AP2B1: variants seen among roughly 807,000 people sequenced by gnomAD.
AP2B1 encodes AP-2 complex subunit beta.
AP2B1 carries 23 observed loss-of-function variants against 102.0 expected under a neutral mutation model. The observed-to-expected ratio is 0.23, with a 90% confidence interval of 0.16 to 0.32. The LOEUF (loss-of-function observed/expected upper bound fraction) is 0.32. Ranked by LOEUF, AP2B1 falls within the 10% of genes least tolerant of loss-of-function variation. The probability of loss-of-function intolerance (pLI) is 1.00; values close to 1 mark genes in which losing one functional copy is unlikely to be tolerated. For synonymous variants in AP2B1, 381 were observed against 421.2 expected, an observed-to-expected ratio of 0.90 and a Z score of 1.17; for missense variants, 541 against 1,157.4, an observed-to-expected ratio of 0.47 and a Z score of 7.73.
chr17:35,645,814 A>C (rs570470763), intron 12 of AP2B1, among the ~76,000 whole-genome samples: 1 of 152,254 alleles, frequency 6.6e-6, no homozygotes, highest in South Asian at 2.1e-4. Context: ...GTGCCATTAC[A>C]CTCCAGCCTG....
chr17:35,599,903 C>CT (rs2073420786), intron 3 of AP2B1, among the ~76,000 whole-genome samples: 2 of 152,040 alleles, frequency 1.3e-5, no homozygotes, highest in African/African-American at 4.8e-5. Context: ...GAGTAAGACT[C>CT]TGTCTCAAAA....
chr17:35,656,972 A>G (rs10491116), intron 13 of AP2B1, among the ~76,000 whole-genome samples: 5,122 of 152,126 alleles, frequency 0.034, 186 homozygotes, highest in East Asian at 0.19. Flanking sequence ...ACCAATCCCA[A>G]ACTCTGCTCC....
intron 14 of AP2B1, 143 bp from the exon 15 acceptor site, chr17:35,670,714 A>G (rs1402421950): frequency 3.8e-6 from 3 of 796,388 alleles, no homozygotes; most frequent in Non-Finnish European, 6.3e-6. Context: ...GTAATCTAGA[A>G]TTTTTTTAGG....
chr17:35,618,800 T>C (rs1452077338), intron 5 of AP2B1, among the ~76,000 whole-genome samples: 1 of 152,206 alleles, frequency 6.6e-6, no homozygotes, highest in East Asian at 1.9e-4. Context: ...TCAAATTTAT[T>C]ATCCTCAACT....
intron 21 of AP2B1, among the ~76,000 whole-genome samples, chr17:35,721,795 G>T (rs1288024236): frequency 6.6e-6 from 1 of 152,134 alleles, no homozygotes; most frequent in Non-Finnish European, 1.5e-5. Context: ...GAGTATTTGG[G>T]GACTACCTCT....
intron 12 of AP2B1, among the ~76,000 whole-genome samples, chr17:35,647,505 G>GTATACA (rs956947052): frequency 2.0e-5 from 3 of 151,734 alleles, no homozygotes; most frequent in Non-Finnish European, 2.9e-5. Context: ...ACATTCATAT[G>GTATACA]TATACATATA....
intron 11 of AP2B1, 55 bp from the exon 12 acceptor site, chr17:35,641,822 C>A: frequency 7.6e-7 from 1 of 1,322,604 alleles, no homozygotes; most frequent in Non-Finnish European, 1.1e-6. Flanking sequence ...GAGATGATGG[C>A]AGGGAATAAT....
chr17:35,702,681 G>T (rs990192102), intron 18 of AP2B1, among the ~76,000 whole-genome samples: 1 of 152,138 alleles, frequency 6.6e-6, no homozygotes, highest in African/African-American at 2.4e-5. Flanking sequence ...AGGGGGATGT[G>T]GCTGGAAGAC....
chr17:35,687,995 TC>T (rs1319625823), intron 18 of AP2B1, among the ~76,000 whole-genome samples: 1 of 152,212 alleles, frequency 6.6e-6, no homozygotes, highest in East Asian at 1.9e-4. Flanking sequence ...AATCCCAAAT[TC>T]CATTGAGATC....
At chr17:35,694,851 C>T (rs894132300) in intron 18 of AP2B1, among the ~76,000 whole-genome samples, 1 of 152,146 alleles carries the variant, frequency 6.6e-6, no homozygotes, top group African/African-American at 2.4e-5. Context: ...CTGTTGCACT[C>T]CAGCCTGGGG....
chr17:35,639,065 C>T (rs1183348617), intron 10 of AP2B1, among the ~76,000 whole-genome samples: 4 of 152,068 alleles, frequency 2.6e-5, no homozygotes, highest in African/African-American at 9.7e-5. Context: ...CAGTGTGGCT[C>T]GCACCTGTAA....
intron 4 of AP2B1, among the ~76,000 whole-genome samples, chr17:35,606,303 G>A (rs1317809662): frequency 1.2e-4 from 18 of 150,962 alleles, no homozygotes; most frequent in Non-Finnish European, 2.4e-4. Context: ...GCAGTGGCAC[G>A]ATCTTGGCTC....
chr17:35,657,841 T>C (rs1269745808), intron 14 of AP2B1, 50 bp downstream of exon 14: 9 of 1,530,164 alleles, frequency 5.9e-6, no homozygotes, highest in Non-Finnish European at 8.0e-6. Flanking sequence ...GTTCTTGATA[T>C]GCTAGAGAGT....
At chr17:35,590,625 C>T (rs2073063675) in intron 1 of AP2B1, among the ~76,000 whole-genome samples, 1 of 152,188 alleles carries the variant, frequency 6.6e-6, no homozygotes, top group African/African-American at 2.4e-5. Flanking sequence ...GATATCCCTT[C>T]TCTTTAGAGC....
chr17:35,655,600 A>G (rs556478489), intron 13 of AP2B1, among the ~76,000 whole-genome samples: 12 of 152,228 alleles, frequency 7.9e-5, no homozygotes, highest in African/African-American at 2.9e-4. Context: ...GCTGCTGTGA[A>G]TATTCTTGTA....
chr17:35,606,222 C>T (rs1011602715), intron 4 of AP2B1, among the ~76,000 whole-genome samples: 7 of 151,788 alleles, frequency 4.6e-5, no homozygotes, highest in African/African-American at 1.7e-4. Context: ...TCATTTAATA[C>T]GTCTTACATC....
intron 14 of AP2B1, among the ~76,000 whole-genome samples, chr17:35,669,908 G>A (rs1308573732): frequency 6.6e-6 from 1 of 152,210 alleles, no homozygotes; most frequent in East Asian, 1.9e-4. Flanking sequence ...CTGTGGAACT[G>A]TAGCAAAAAG....
rs2143017704 is a variant in AP2B1, at chr17:35,726,209, G to A, written c.*2510G>A. 1 of 152,098 alleles carries A rather than the reference G, an allele frequency of 6.6e-6. No homozygotes were observed. The highest frequency in any genetic ancestry group is 2.1e-4 in the South Asian group (1 of 4,824). 9.4% of individuals were successfully genotyped at this position (152,098 alleles called of 1,614,324 possible). ...CTTTTGCTGGTCAGAGATTCCCTGA[G>A]TGTCTGTCCTCACCCAAGCCTGCTC... is the stretch of plus-strand genomic sequence containing the variant. On this transcript the variant is annotated 3_prime_UTR_variant, in exon 22 of 22. Transcript: ENST00000610402.
intron 9 of AP2B1, among the ~76,000 whole-genome samples, chr17:35,632,696 T>A (rs1173353424): frequency 6.6e-6 from 1 of 151,988 alleles, no homozygotes; most frequent in Non-Finnish European, 1.5e-5. Context: ...ATGGTTGAGA[T>A]GATAATTTTC....
Sources: gnomAD v4.1 joint callset for allele counts (sites outside exome capture counted in the v4.1 genomes callset) on GRCh38, gnomAD v4.1.1 for gene constraint, MANE v1.5 for transcripts, NCBI Gene and HGNC (gene_info 2026-07-23, HGNC 2026-07-21) for gene names.